KLHL15: variants seen among roughly 807,000 people sequenced by gnomAD.
KLHL15 encodes kelch like family member 15, also known as kelch-like protein 15.
In KLHL15, 1 loss-of-function variant was observed where a neutral mutation model predicts 29.3. That is an observed-to-expected ratio of 0.03 (90% CI 0.01 to 0.16). KLHL15 has a LOEUF of 0.16. KLHL15 is among the 10% of genes least tolerant of loss of function. The probability of loss-of-function intolerance (pLI) is 1.00; values close to 1 mark genes in which losing one functional copy is unlikely to be tolerated. For synonymous variants in KLHL15, 212 were observed against 184.5 expected, an observed-to-expected ratio of 1.15 and a Z score of -1.21; for missense variants, 215 against 478.5, an observed-to-expected ratio of 0.45 and a Z score of 5.14.
chrX:24,015,914 G>C (rs112624315), intron 2 of KLHL15, among the ~76,000 whole-genome samples: 1 of 110,921 alleles, frequency 9.0e-6, no homozygotes, highest in East Asian at 2.8e-4. Flanking sequence ...CAGGAGAATC[G>C]CTTGAACCTG....
At chrX:24,002,143 GAATAAATA>G (rs200125047) in intron 3 of KLHL15, among the ~76,000 whole-genome samples, 1 of 107,660 alleles carries the variant, frequency 9.3e-6, no homozygotes, top group Admixed American at 9.9e-5. Flanking sequence ...AAAAGAAAAT[GAATAAATA>G]AATAAATAAA....
intron 2 of KLHL15, among the ~76,000 whole-genome samples, chrX:24,020,983 C>G (rs950773168): frequency 5.3e-4 from 59 of 111,721 alleles, no homozygotes; most frequent in African/African-American, 1.8e-3. Context: ...GTATTTTTTT[C>G]TATCCATTCT....
In KLHL15 at chrX:23,987,889, G is replaced by A. The variant is rs1242977940; in HGVS notation, c.*32C>T. 7 of 1,150,126 alleles carry A rather than the reference G, an allele frequency of 6.1e-6. No homozygotes were observed. The highest frequency in any genetic ancestry group is 7.0e-6 in the Non-Finnish European group (6 of 860,672). 94.8% of individuals were successfully genotyped at this position (1,150,126 alleles called of 1,213,427 possible). A position where few individuals can be genotyped will look rare whatever the true frequency, so the allele number is the denominator to read the frequency against. ...ATTACTCTGTGCAAACAAATACTTT[G>A]TTTGCCTCTTTTTTTAGGGAGGAGG... On this transcript the variant is annotated 3_prime_UTR_variant, in exon 4 of 4. Transcript: ENST00000328046.
intron 1 of KLHL15, among the ~76,000 whole-genome samples, chrX:24,025,818 G>A (rs2147114509): frequency 9.1e-6 from 1 of 110,422 alleles, no homozygotes; most frequent in East Asian, 2.9e-4. Context: ...GAGGAAAACA[G>A]GCGGCCGGGC....
At chrX:24,016,860 T>G (rs749525781) in intron 2 of KLHL15, among the ~76,000 whole-genome samples, 3 of 110,800 alleles carry the variant, frequency 2.7e-5, no homozygotes, top group Admixed American at 1.9e-4. Flanking sequence ...TAGTTAACTT[T>G]GAAGAAACCC....
chrX:23,991,605 G>T (rs899170555), intron 3 of KLHL15, among the ~76,000 whole-genome samples: 1 of 111,493 alleles, frequency 9.0e-6, no homozygotes. Context: ...ACTTTGACAG[G>T]CCGAGGCAGG....
At chrX:24,017,848 C>T (rs1055165877) in intron 2 of KLHL15, among the ~76,000 whole-genome samples, 4 of 109,627 alleles carry the variant, frequency 3.6e-5, no homozygotes, top group African/African-American at 1.3e-4. Context: ...GGCCTCATGC[C>T]TGTAATCCCA....
At chrX:24,014,418 A>C (rs757033682) in intron 2 of KLHL15, among the ~76,000 whole-genome samples, 2 of 111,950 alleles carry the variant, frequency 1.8e-5, no homozygotes, top group South Asian at 7.4e-4. Flanking sequence ...TTCAACAGTT[A>C]ATCATTACCT....
intron 1 of KLHL15, among the ~76,000 whole-genome samples, chrX:24,026,167 G>C (rs1306229195): frequency 9.0e-6 from 1 of 111,702 alleles, no homozygotes; most frequent in Non-Finnish European, 1.9e-5. Flanking sequence ...CTGTCCACTT[G>C]GCTTACTGCA....
chrX:24,025,057 TC>T lies in KLHL15; in HGVS notation c.-209del. On this transcript the variant is annotated splice_region_variant and 5_prime_UTR_variant, in exon 2 of 4. Transcript: ENST00000328046. The stretch of plus-strand genomic sequence containing the variant: ...TCGCCTGCAGCCCCCTCTGGATAAG[TC>T]CTGGGAAAGAAGACAGCGCTGAGTC... The T allele has an allele frequency of 3.4e-6, 1 of 296,623 alleles. No individual in the cohort carries two copies. The highest frequency in any genetic ancestry group is 5.9e-6 in the Non-Finnish European group (1 of 169,652). The allele number at this position is 296,623 out of a possible 1,213,427, so 24.4% of individuals were successfully genotyped here. A position where few individuals can be genotyped will look rare whatever the true frequency, so the allele number is the denominator to read the frequency against.
chrX:24,023,113 C>A (rs763701294), intron 2 of KLHL15, among the ~76,000 whole-genome samples: 102 of 111,560 alleles, frequency 9.1e-4, no homozygotes, highest in African/African-American at 3.3e-3. Context: ...ATGAATTTTA[C>A]CATTCACCCT....
In KLHL15 at chrX:24,004,807, T is replaced by A. The variant is rs970213726; in HGVS notation, c.705+1182A>T. Among the ~76,000 whole-genome samples the A allele has an allele frequency of 5.4e-3, 535 of 99,357 alleles. 5 individuals are homozygous for A. Among genetic ancestry groups the A allele is most frequent in the African/African-American group, 0.019 (486 of 25,853 alleles). 86.3% of individuals were successfully genotyped at this position (99,357 alleles called of 115,157 possible). ...TCTGTCTCAAAAAAAAAAAAAAAAA[T>A]ACATACATACATATATATAATTTAG... On this transcript the variant is annotated intron_variant, in intron 3 of 3. Coordinates refer to ENST00000328046, the MANE Select transcript of KLHL15 (RefSeq NM_030624.3).
At chrX:24,016,713 T>C (rs748565712) in intron 2 of KLHL15, among the ~76,000 whole-genome samples, 2 of 111,381 alleles carry the variant, frequency 1.8e-5, no homozygotes, top group South Asian at 7.5e-4. Context: ...ACCTTACAGG[T>C]TGCTGCGATA....
intron 3 of KLHL15, among the ~76,000 whole-genome samples, chrX:24,005,706 G>A (rs756426529): frequency 8.9e-6 from 1 of 112,130 alleles, no homozygotes; most frequent in Non-Finnish European, 1.9e-5. Flanking sequence ...TTTGCATAAA[G>A]TAATTATGCT....
intron 3 of KLHL15, among the ~76,000 whole-genome samples, chrX:23,996,288 T>G (rs1403733471): frequency 9.0e-6 from 1 of 111,373 alleles, no homozygotes; most frequent in East Asian, 2.8e-4. Flanking sequence ...CAAGACTGAG[T>G]CTTGGTTGTC....
At chrX:24,021,460 C>G (rs1296864853) in intron 2 of KLHL15, among the ~76,000 whole-genome samples, 1 of 111,878 alleles carries the variant, frequency 8.9e-6, no homozygotes, top group Admixed American at 9.6e-5. Context: ...TTATTATTCT[C>G]TGCAGTATAT....
In KLHL15 at chrX:23,984,242, T is replaced by C. The variant is rs1255311269; in HGVS notation, c.*3679A>G. 8.9e-6 allele frequency: 1 copy of C among 112,241 alleles called. No homozygotes were observed. Among genetic ancestry groups the C allele is most frequent in the Non-Finnish European group, 1.9e-5 (1 of 53,209 alleles). The allele number at this position is 112,241 out of a possible 1,213,427, so 9.2% of individuals were successfully genotyped here. A position where few individuals can be genotyped will look rare whatever the true frequency, so the allele number is the denominator to read the frequency against. On this transcript the variant is annotated 3_prime_UTR_variant, in exon 4 of 4. Coordinates refer to ENST00000328046, the MANE Select transcript of KLHL15 (RefSeq NM_030624.3). ...TATACGGTGTACTGAAAGGATATGA[T>C]TTCCATGAATTTATCTATTCCAGTC...
At chrX:24,011,341 T>TA (rs565354614) in intron 2 of KLHL15, among the ~76,000 whole-genome samples, 8,123 of 83,884 alleles carry the variant, frequency 0.097, 525 homozygotes, top group African/African-American at 0.2. Flanking sequence ...CACTGTCTCT[T>TA]AAAAAAAAAA....
intron 2 of KLHL15, among the ~76,000 whole-genome samples, chrX:24,019,476 G>T (rs969605019): frequency 3.6e-5 from 4 of 110,355 alleles, no homozygotes; most frequent in Admixed American, 2.9e-4. Flanking sequence ...GGCTGGTCTC[G>T]AACTCCTGGC....
Sources: gnomAD v4.1 joint callset for allele counts (sites outside exome capture counted in the v4.1 genomes callset) on GRCh38, gnomAD v4.1.1 for gene constraint, MANE v1.5 for transcripts, NCBI Gene and HGNC (gene_info 2026-07-23, HGNC 2026-07-21) for gene names.